The following CCDC136 variants were observed in gnomAD, a reference collection of about 807,000 sequenced individuals.
CCDC136 encodes the protein coiled-coil domain-containing protein 136.
A neutral mutation model predicts 141.2 loss-of-function variants in CCDC136; 100 were observed. The observed-to-expected ratio is 0.71, with a 90% CI of 0.60 to 0.84. The LOEUF is 0.84. CCDC136 is among the 40% of genes least tolerant of loss of function. The pLI, the probability that CCDC136 is intolerant of heterozygous loss-of-function variation, is 0.00. For synonymous variants in CCDC136, 474 were observed against 531.9 expected, an observed-to-expected ratio of 0.89 and a Z score of 1.50; for missense variants, 1,206 against 1,379.4, an observed-to-expected ratio of 0.87 and a Z score of 1.99.
chr7:128,792,118 G>A lies in CCDC136; in HGVS notation c.-294G>A. The stretch of plus-strand genomic sequence containing the variant: ...AAGCAAGAGGGTCCTGGAACAGCGG[G>A]TTCTGAGGAGGCTGGGAGGCAGGGC... On this transcript the variant is annotated 5_prime_UTR_variant, in exon 1 of 18. Transcript: ENST00000297788. The A allele has an allele frequency of 7.1e-7, 1 of 1,408,802 alleles. No homozygotes were observed. The highest frequency in any genetic ancestry group is 9.2e-7 in the Non-Finnish European group (1 of 1,087,328). The allele number at this position is 1,408,802 out of a possible 1,614,324, so 87.3% of individuals were successfully genotyped here.
intron 13 of CCDC136, 61 bp downstream of exon 13, chr7:128,812,373 T>C: frequency 6.6e-7 from 1 of 1,521,620 alleles, no homozygotes; most frequent in Non-Finnish European, 8.8e-7. Flanking sequence ...TTTTAAGAGA[T>C]ACATCGCCAG....
rs1355530313 is a variant in CCDC136 at position 128,821,796 on chromosome 7, C to T, written c.*6-3C>T. 10 of 1,290,368 alleles carry T rather than the reference C, an allele frequency of 7.7e-6. No individual in the cohort carries two copies. Among genetic ancestry groups the T allele is most frequent in the Admixed American group, 4.6e-5 (2 of 43,550 alleles). The allele number at this position is 1,290,368 out of a possible 1,614,324, so 79.9% of individuals were successfully genotyped here. A position where few individuals can be genotyped will look rare whatever the true frequency, so the allele number is the denominator to read the frequency against. ...ACTCACAGTTTCTCTTTGGTCCCCA[C>T]AGAACATGTTTGGGTTGTGGAAGCC... is the stretch of plus-strand genomic sequence containing the variant. On this transcript the variant is annotated splice_polypyrimidine_tract_variant and splice_region_variant and intron_variant, in intron 17 of 17. Coordinates refer to ENST00000297788, the MANE Select transcript of CCDC136 (RefSeq NM_022742.5). This position sits in a 1 kb window ranked among gnomAD's most constrained non-coding sequence, Gnocchi z 5.1.
intron 10 of CCDC136, 80 bp downstream of exon 10, chr7:128,807,625 C>A: frequency 9.8e-7 from 1 of 1,017,500 alleles, no homozygotes; most frequent in Non-Finnish European, 1.3e-6. Context: ...AGTGAAGGCA[C>A]CCAACCCAAG....
At chr7:128,810,024 C>G (rs1805469651) in intron 11 of CCDC136, 115 bp from the exon 12 acceptor site, 1 of 683,520 alleles carries the variant, frequency 1.5e-6, no homozygotes, top group South Asian at 2.0e-5. Flanking sequence ...TCTGTGAAGT[C>G]AACCCTGAGA....
chr7:128,801,042 A>G, intron 3 of CCDC136, 144 bp from the exon 4 acceptor site: 1 of 614,432 alleles, frequency 1.6e-6, no homozygotes, highest in South Asian at 2.0e-5. Context: ...GTCCGGCATG[A>G]TGCTACACTT....
At chr7:128,810,437 C>A in intron 12 of CCDC136, 71 bp downstream of exon 12, 2 of 1,145,452 alleles carry the variant, frequency 1.7e-6, no homozygotes, top group South Asian at 1.4e-5. Flanking sequence ...TGGGCACCGC[C>A]GAAGGGTCAG....
intron 13 of CCDC136, 22 bp from the exon 14 acceptor site, chr7:128,812,686 G>T (rs769539854): frequency 1.9e-6 from 3 of 1,593,926 alleles, no homozygotes; most frequent in African/African-American, 1.3e-5. Context: ...GGGTGCTATT[G>T]TTGCTCCCCC....
chr7:128,794,232 C>T lies in CCDC136; in HGVS notation c.17-116C>T, dbSNP rs1040967108. On this transcript the variant is annotated intron_variant, in intron 1 of 17. Coordinates refer to ENST00000297788, the MANE Select transcript of CCDC136 (RefSeq NM_022742.5). This position sits in a 1 kb window ranked among gnomAD's most constrained non-coding sequence, Gnocchi z 4.3. The stretch of plus-strand genomic sequence containing the variant: ...TCTTGCCCCGGGGCTCCTTGGGGGA[C>T]ACCAGGTGGCACTAGTATGTCATCT... 6.3e-6 allele frequency: 9 copies of T among 1,431,244 alleles called. No homozygotes were observed. The highest frequency in any genetic ancestry group is 3.9e-5 in the Admixed American group (2 of 50,824). 88.7% of individuals were successfully genotyped at this position (1,431,244 alleles called of 1,614,324 possible).
chr7:128,793,045 A>G (rs1298035071), intron 1 of CCDC136, among the ~76,000 whole-genome samples: 1 of 152,258 alleles, frequency 6.6e-6, no homozygotes, highest in Non-Finnish European at 1.5e-5. Flanking sequence ...TTGCACATTC[A>G]GTATGGGCAA....
intron 17 of CCDC136, among the ~76,000 whole-genome samples, chr7:128,820,170 C>T (rs1807243692): frequency 6.6e-6 from 1 of 152,202 alleles, no homozygotes; most frequent in Non-Finnish European, 1.5e-5. Context: ...CTACAGAGGA[C>T]AGAGTGAGGA....
chr7:128,793,087 G>A (rs58962274), intron 1 of CCDC136, among the ~76,000 whole-genome samples: 30,339 of 152,196 alleles, frequency 0.2, 4,405 homozygotes, highest in African/African-American at 0.38. Flanking sequence ...CAGATGGCAC[G>A]AAGGGTCCCA....
intron 14 of CCDC136, among the ~76,000 whole-genome samples, chr7:128,814,109 C>G (rs1806199442): frequency 6.7e-6 from 1 of 150,302 alleles, no homozygotes; most frequent in Admixed American, 6.6e-5. Flanking sequence ...TTTTTTGAGA[C>G]AGAGTCTTGC....
intron 3 of CCDC136, among the ~76,000 whole-genome samples, chr7:128,798,228 T>C (rs569128189): frequency 9.1e-5 from 4 of 43,862 alleles, no homozygotes; most frequent in African/African-American, 2.7e-4. Flanking sequence ...AAAATAGGGT[T>C]CCAGAGCGAT....
At chr7:128,808,195 C>T (rs973268626) in intron 10 of CCDC136, among the ~76,000 whole-genome samples, 4 of 152,178 alleles carry the variant, frequency 2.6e-5, no homozygotes, top group Admixed American at 1.3e-4. Context: ...TGCCATTGTG[C>T]CTGGCTAATT....
At chr7:128,797,921 AT>A (rs758979251) in intron 3 of CCDC136, among the ~76,000 whole-genome samples, 193 of 139,416 alleles carry the variant, frequency 1.4e-3, no homozygotes, top group Middle Eastern at 3.7e-3. Flanking sequence ...ATAGGGTTCT[AT>A]TTTTTTTTTT....
At chr7:128,791,004 G>C (rs1802106202), upstream of CCDC136, 1 of 152,008 alleles carries the variant, frequency 6.6e-6, no homozygotes, top group Non-Finnish European at 1.5e-5. The surrounding 1 kb of genome is among the most constrained non-coding windows in gnomAD (Gnocchi z 7.1). Flanking sequence ...GCGGGGGAGG[G>C]AGGGAAGGAG....
chr7:128,811,787 C>T lies in CCDC136; in HGVS notation c.2029-13C>T, dbSNP rs751161191. On this transcript the variant is annotated splice_polypyrimidine_tract_variant and intron_variant, in intron 12 of 17. Transcript: ENST00000297788. ...TCAGAGTAATGATACTGTCTCCCCA[C>T]CCCTGCCCCCAGCAATCCAAGCTGC... 12 of 1,558,338 alleles carry T rather than the reference C, an allele frequency of 7.7e-6. No homozygotes were observed. In the East Asian group the frequency reaches 1.3e-4, roughly 18 times the overall value.
upstream of CCDC136, among the ~76,000 whole-genome samples, chr7:128,791,195 C>T (rs983045641): frequency 1.3e-5 from 2 of 152,164 alleles, no homozygotes; most frequent in African/African-American, 2.4e-5. The surrounding 1 kb of genome is among the most constrained non-coding windows in gnomAD (Gnocchi z 7.1). Context: ...CAGCCATAAG[C>T]CTAGGAGCTC....
chr7:128,813,913 C>A (rs1005445368), intron 14 of CCDC136, among the ~76,000 whole-genome samples: 1 of 151,906 alleles, frequency 6.6e-6, no homozygotes, highest in South Asian at 2.1e-4. Flanking sequence ...ATCCAGGAGG[C>A]GGAGGTTGCG....
Sources: allele counts gnomAD v4.1 joint callset (sites outside exome capture counted in the v4.1 genomes callset), GRCh38; gene constraint gnomAD v4.1.1; non-coding constraint Gnocchi (gnomAD v3.1); transcripts MANE v1.5; gene names NCBI Gene and HGNC (gene_info 2026-07-23, HGNC 2026-07-21).